LLGL2: variants seen among roughly 807,000 people sequenced by gnomAD.
LLGL2 encodes the protein LLGL2, scribble cell polarity complex component.
A neutral mutation model predicts 123.2 loss-of-function variants in LLGL2; 81 were observed. That is an observed-to-expected ratio of 0.66 (90% CI 0.55 to 0.79). The LOEUF is 0.79. Among genes scored for constraint, LLGL2 ranks in the 30% least tolerant of loss-of-function variants. The probability of loss-of-function intolerance (pLI) is 0.00; values close to 1 mark genes in which losing one functional copy is unlikely to be tolerated. For synonymous variants in LLGL2, 577 were observed against 594.1 expected (o/e 0.97, Z 0.42); for missense variants, 1,273 against 1,414.6 (o/e 0.90, Z 1.61).
intron 2 of LLGL2, among the ~76,000 whole-genome samples, chr17:75,550,781 A>T (rs1339489021): frequency 2.3e-3 from 14 of 6,066 alleles, no homozygotes; most frequent in African/African-American, 5.9e-3. Flanking sequence ...ACCCTGTCTC[A>T]AAAAAAAAAA....
At chr17:75,550,228 C>T (rs778945450) in intron 2 of LLGL2, among the ~76,000 whole-genome samples, 7 of 152,238 alleles carry the variant, frequency 4.6e-5, no homozygotes, top group East Asian at 1.9e-4. Context: ...AGTGCAGCCG[C>T]GATTCAGGGT....
intron 2 of LLGL2, among the ~76,000 whole-genome samples, chr17:75,550,792 A>AC (rs2054634147): frequency 6.7e-6 from 1 of 150,328 alleles, no homozygotes; most frequent in Admixed American, 6.6e-5. Context: ...AAAAAAAAAA[A>AC]AAAAAAAAAA....
chr17:75,566,374 C>T (rs1000309490), intron 10 of LLGL2, among the ~76,000 whole-genome samples: 5 of 152,162 alleles, frequency 3.3e-5, no homozygotes, highest in Non-Finnish European at 5.9e-5. Flanking sequence ...CAGTGAGAGT[C>T]GAGGGAGAGG....
rs576782325 is a variant in LLGL2 at position 75,542,522 on chromosome 17, C to G, written c.-30-875C>G. The G allele has an allele frequency of 2.0e-5, 3 of 152,370 alleles. No individual in the cohort carries two copies. The South Asian group carries it at 6.2e-4, about 32-fold the overall frequency. 9.4% of individuals were successfully genotyped at this position (152,370 alleles called of 1,614,324 possible). ...AAGCTGGAGCACAGAGGCTCCTTCC[C>G]CTTCCCCCAAGGATAATCCAGAAAT... On this transcript the variant is annotated intron_variant, in intron 1 of 25. Coordinates refer to ENST00000392550, the MANE Select transcript of LLGL2 (RefSeq NM_001031803.2).
chr17:75,564,650 CCCA>C lies in LLGL2; in HGVS notation c.1036+144_1036+146del. 1 of 1,384,150 alleles carries C rather than the reference CCCA, an allele frequency of 7.2e-7. No homozygotes were observed. The highest frequency in any genetic ancestry group is 1.5e-5 in the South Asian group (1 of 68,924). 85.7% of individuals were successfully genotyped at this position (1,384,150 alleles called of 1,614,324 possible). A position where few individuals can be genotyped will look rare whatever the true frequency, so the allele number is the denominator to read the frequency against. On this transcript the variant is annotated intron_variant, in intron 10 of 25. Coordinates refer to ENST00000392550, the MANE Select transcript of LLGL2 (RefSeq NM_001031803.2). The surrounding 1 kb of genome is among the most constrained non-coding windows in gnomAD (Gnocchi z 4.9). ...GGCCAAGGTGGTAGGATCGCTTGAA[CCCA>C]GGAGTTCAAGTCCAGCCTGGACAAC...
At chr17:75,561,766 T>C (rs991777080) in intron 6 of LLGL2, among the ~76,000 whole-genome samples, 4 of 151,874 alleles carry the variant, frequency 2.6e-5, no homozygotes, top group African/African-American at 9.7e-5. Flanking sequence ...ACTAAAAGTA[T>C]AAAAAATTAG....
chr17:75,539,423 T>A (rs1284310587), intron 1 of LLGL2, among the ~76,000 whole-genome samples: 1 of 151,022 alleles, frequency 6.6e-6, no homozygotes, highest in African/African-American at 2.5e-5. Flanking sequence ...CTTTTTTTTT[T>A]AGAGACAGGG....
intron 6 of LLGL2, among the ~76,000 whole-genome samples, chr17:75,560,543 A>G (rs2055154743): frequency 6.6e-6 from 1 of 152,150 alleles, no homozygotes; most frequent in Non-Finnish European, 1.5e-5. Context: ...CTAGAGTGCA[A>G]TGGCACGATC....
chr17:75,563,401 G>T lies in LLGL2; in HGVS notation c.764G>T (p.Cys255Phe), dbSNP rs2055311574. 6.2e-7 allele frequency: 1 copy of T among 1,612,784 alleles called. No homozygotes were observed. The highest frequency in any genetic ancestry group is 8.5e-7 in the Non-Finnish European group (1 of 1,180,046). The change falls in exon 8 of 26, where the codon TGC becomes TTC. Residue 255 changes from cysteine (C) to phenylalanine (F), a missense_variant. By Grantham distance (205) the Cys-to-Phe change is radical. Coordinates refer to ENST00000392550, the MANE Select transcript of LLGL2 (RefSeq NM_001031803.2). ...AGCTGTCACTCTGACGGCAGCTACT[G>T]CCAGTGGCCCGTGTCCAGCGAAGCC... ...LVSCHSDGSY[C>F]QWPVSSEAQQ...
chr17:75,538,848 G>A (rs531541527), intron 1 of LLGL2, among the ~76,000 whole-genome samples: 9 of 152,126 alleles, frequency 5.9e-5, no homozygotes, highest in Non-Finnish European at 1.3e-4. Flanking sequence ...GAGACCTGTT[G>A]GCCACCAAAG....
chr17:75,560,815 A>ATT (rs1568056004), intron 6 of LLGL2, among the ~76,000 whole-genome samples: 4 of 104,614 alleles, frequency 3.8e-5, no homozygotes, highest in African/African-American at 1.9e-4. Flanking sequence ...AAAAAAAAAA[A>ATT]AAAAAAAAAA....
intron 10 of LLGL2, among the ~76,000 whole-genome samples, chr17:75,566,825 C>T (rs1027396558): frequency 6.6e-6 from 1 of 152,166 alleles, no homozygotes; most frequent in South Asian, 2.1e-4. Flanking sequence ...TTAATGTCTC[C>T]TCTGATCTCC....
rs1443007741 is a variant in LLGL2 at position 75,563,322 on chromosome 17, C to A, written c.694-9C>A. 4 of 1,612,020 alleles carry A rather than the reference C, an allele frequency of 2.5e-6. No individual in the cohort carries two copies. The highest frequency in any genetic ancestry group is 3.4e-6 in the Non-Finnish European group (4 of 1,179,482). ...TGCTGCCCTCTGTCCCTCTCCTCTT[C>A]CTCCATAGCAACTGGAGAACATCTG... is the stretch of plus-strand genomic sequence containing the variant. On this transcript the variant is annotated splice_polypyrimidine_tract_variant and intron_variant, in intron 7 of 25. Transcript: ENST00000392550.
At chr17:75,569,172 G>T (rs1468807284) in intron 13 of LLGL2, 41 bp downstream of exon 13, 1 of 1,612,574 alleles carries the variant, frequency 6.2e-7, no homozygotes, top group Non-Finnish European at 8.5e-7. Context: ...GCAGAGGCCA[G>T]CTGGGTCCTG....
intron 1 of LLGL2, among the ~76,000 whole-genome samples, chr17:75,541,461 C>T (rs538991992): frequency 6.6e-6 from 1 of 152,236 alleles, no homozygotes; most frequent in Non-Finnish European, 1.5e-5. Context: ...CAGCCGGTGC[C>T]TGTTCTCTGA....
Position 75,556,123 on chromosome 17 carries a change from C to G in LLGL2, c.153C>G (p.Thr51=), listed in dbSNP as rs150649144. ...CCCTGCGCATCCTGGCCATCGGCAC[C>G]CGTTCTGGAGCCATCAAGCTGTATC... is the stretch of plus-strand genomic sequence containing the variant. ...SPSLRILAIG[T]RSGAIKLYGA... Residue 51 remains threonine (T), a synonymous_variant, in exon 3 of 26, where the codon ACC becomes ACG. Transcript: ENST00000392550. 3 of 1,610,238 alleles carry G rather than the reference C, an allele frequency of 1.9e-6. No individual in the cohort carries two copies. Among genetic ancestry groups the G allele is most frequent in the Non-Finnish European group, 8.5e-7 (1 of 1,179,936 alleles).
At position 75,559,352 on chromosome 17, in the gene LLGL2, CTGCCAGCTTTTCGTGCG is replaced by C; in HGVS notation, c.473_489del (p.Leu158ProfsTer88). 6.2e-7 allele frequency: 1 copy of C among 1,613,610 alleles called. No individual in the cohort carries two copies. Among genetic ancestry groups the C allele is most frequent in the Non-Finnish European group, 8.5e-7 (1 of 1,179,970 alleles). On this transcript the variant is annotated frameshift_variant, in exon 6 of 26. Transcript: ENST00000392550. LOFTEE classifies it high-confidence loss of function. The surrounding 1 kb of genome is among the most constrained non-coding windows in gnomAD (Gnocchi z 4.6). Reference sequence around the variant, plus strand: ...GAGTGGCAACGTGTTTGTGGTGCAGCTGCCAGCTTTTCGTGCGCTGGAGGACCGGACCATCAGCTCGG... The same window carrying C: ...GAGTGGCAACGTGTTTGTGGTGCAGCCTGGAGGACCGGACCATCAGCTCGG...
chr17:75,556,367 C>T (rs1568047062), intron 3 of LLGL2, among the ~76,000 whole-genome samples: 1 of 152,172 alleles, frequency 6.6e-6, no homozygotes, highest in Non-Finnish European at 1.5e-5. Context: ...CGACCCTGTC[C>T]TTTGCAGGAG....
intron 1 of LLGL2, among the ~76,000 whole-genome samples, chr17:75,539,692 C>T (rs1438400477): frequency 6.6e-6 from 1 of 151,786 alleles, no homozygotes; most frequent in African/African-American, 2.4e-5. Context: ...ACTGTAACCT[C>T]CACCTCCCAG....
Sources: gnomAD v4.1 joint callset for allele counts (sites outside exome capture counted in the v4.1 genomes callset) on GRCh38, gnomAD v4.1.1 for gene constraint, Gnocchi (gnomAD v3.1) non-coding constraint, MANE v1.5 for transcripts, NCBI Gene and HGNC (gene_info 2026-07-23, HGNC 2026-07-21) for gene names.